The following DCDC1 variants were observed in gnomAD, a reference collection of about 807,000 sequenced individuals.
DCDC1 encodes doublecortin domain containing 1, also known as doublecortin domain-containing protein 1.
A neutral mutation model predicts 178.3 loss-of-function variants in DCDC1; 200 were observed. That is an observed-to-expected ratio of 1.12 (90% confidence interval 1.00 to 1.26). DCDC1 has a LOEUF of 1.26. Ranked by LOEUF, DCDC1 falls within the 50% of genes most tolerant of loss-of-function variation. The pLI, the probability that DCDC1 is intolerant of heterozygous loss-of-function variation, is 0.00. For missense variants in DCDC1, 1,983 were observed against 1,749.2 expected, an observed-to-expected ratio of 1.13 and a Z score of -2.38; for synonymous variants, 690 against 604.8, an observed-to-expected ratio of 1.14 and a Z score of -2.07.
At chr11:30,954,621 G>T (rs527844661) in intron 20 of DCDC1, among the ~76,000 whole-genome samples, 22 of 152,248 alleles carry the variant, frequency 1.4e-4, no homozygotes, top group Middle Eastern at 6.8e-3. Flanking sequence ...TAACATTGTG[G>T]CAAGAGCATA....
chr11:30,945,056 C>A (rs1323102473), intron 21 of DCDC1, among the ~76,000 whole-genome samples: 15 of 145,844 alleles, frequency 1.0e-4, no homozygotes, highest in Non-Finnish European at 2.1e-4. Flanking sequence ...GCAACCTCTG[C>A]CTCCTGGGTT....
intron 20 of DCDC1, among the ~76,000 whole-genome samples, chr11:31,039,312 G>T (rs1447838767): frequency 1.3e-5 from 2 of 152,026 alleles, no homozygotes; most frequent in East Asian, 1.9e-4. Flanking sequence ...CATATACAAA[G>T]AATTATTTAA....
At chr11:31,198,443 AC>A (rs1161087034) in intron 9 of DCDC1, among the ~76,000 whole-genome samples, 2 of 152,006 alleles carry the variant, frequency 1.3e-5, no homozygotes, top group Non-Finnish European at 2.9e-5. Context: ...TTCCAAAAGT[AC>A]CCCTTTGCAC....
chr11:31,180,507 G>T (rs1327870600), intron 9 of DCDC1, among the ~76,000 whole-genome samples: 2 of 152,096 alleles, frequency 1.3e-5, no homozygotes, highest in South Asian at 2.1e-4. Flanking sequence ...TACCCATCTC[G>T]TCTCATTGGG....
At chr11:30,942,187 A>C (rs907852407) in intron 21 of DCDC1, among the ~76,000 whole-genome samples, 1 of 152,316 alleles carries the variant, frequency 6.6e-6, no homozygotes, top group Non-Finnish European at 1.5e-5. Context: ...CTGAGAATAA[A>C]TTATCAAAGG....
At chr11:31,234,328 G>A (rs1379629755) in intron 9 of DCDC1, among the ~76,000 whole-genome samples, 2 of 152,090 alleles carry the variant, frequency 1.3e-5, no homozygotes, top group African/African-American at 4.8e-5. Context: ...TAAAATAAGA[G>A]CAAAGAATGA....
chr11:31,319,338 G>T (rs1949241805), intron 3 of DCDC1, among the ~76,000 whole-genome samples: 1 of 55,306 alleles, frequency 1.8e-5, no homozygotes, highest in Admixed American at 2.0e-4. Context: ...GAATCTGGGT[G>T]CTCCTGTATT....
intron 17 of DCDC1, among the ~76,000 whole-genome samples, chr11:31,083,388 TC>T (rs1042099219): frequency 6.6e-6 from 1 of 152,180 alleles, no homozygotes; most frequent in Non-Finnish European, 1.5e-5. Context: ...GGTCCATTAG[TC>T]CATTGATTTT....
Position 31,336,138 on chromosome 11 carries a change from G to T in DCDC1, c.-124-574C>A, listed in dbSNP as rs74502499. Among the ~76,000 whole-genome samples the T allele has an allele frequency of 8.0e-3, 1,225 of 152,326 alleles. 22 individuals are homozygous for T. The highest frequency in any genetic ancestry group is 0.028 in the African/African-American group (1,173 of 41,566). ...GTACAGATGTTAATAGGTAATAAAT[G>T]CTAAGGGGAAAACTGATGAGGAAAA... On this transcript the variant is annotated intron_variant, in intron 1 of 38. Transcript: ENST00000684477.
chr11:30,900,789 T>C (rs1412553954), intron 32 of DCDC1, among the ~76,000 whole-genome samples: 3 of 151,714 alleles, frequency 2.0e-5, no homozygotes, highest in East Asian at 3.9e-4. Flanking sequence ...ATGGAAAAAA[T>C]AGAGATAAAA....
intron 9 of DCDC1, among the ~76,000 whole-genome samples, chr11:31,238,761 C>T (rs774628670): frequency 1.3e-5 from 2 of 152,122 alleles, no homozygotes; most frequent in African/African-American, 4.8e-5. Flanking sequence ...TTCCAAGATG[C>T]TTCCACTTTT....
chr11:30,911,492 ACTGTGTTGCCT>A, intron 27 of DCDC1, 72 bp from the exon 28 acceptor site: 2 of 1,171,100 alleles, frequency 1.7e-6, no homozygotes, highest in Non-Finnish European at 2.5e-6. Context: ...GCCACTTAGC[ACTGTGTTGCCT>A]CTCAGCTCCA....
In DCDC1 at chr11:31,290,765, A is replaced by ACAGGC; in HGVS notation, c.837_841dup (p.Val281GlyfsTer8). ...AAGTTTCTTCATTCTAATAGAAAGAACAGGCTTGGTTTTCCGTCTTTTGAT... is the reference window on the plus strand; with the variant it reads ...AAGTTTCTTCATTCTAATAGAAAGAACAGGCCAGGCTTGGTTTTCCGTCTTTTGAT... On this transcript the variant is annotated frameshift_variant, in exon 7 of 39. Coordinates refer to ENST00000684477, the MANE Select transcript of DCDC1 (RefSeq NM_001387274.1). LOFTEE classifies it high-confidence loss of function. 6.2e-7 allele frequency: 1 copy of ACAGGC among 1,613,520 alleles called. No individual in the cohort carries two copies. Among genetic ancestry groups the ACAGGC allele is most frequent in the Non-Finnish European group, 8.5e-7 (1 of 1,179,588 alleles).
chr11:31,184,452 C>T (rs1428970455), intron 9 of DCDC1, among the ~76,000 whole-genome samples: 1 of 152,114 alleles, frequency 6.6e-6, no homozygotes, highest in Non-Finnish European at 1.5e-5. Flanking sequence ...TCTAATTAAA[C>T]TAAAGAGCTT....
chr11:31,307,036 A>G (rs1197032463), intron 4 of DCDC1, among the ~76,000 whole-genome samples: 2 of 152,176 alleles, frequency 1.3e-5, no homozygotes, highest in Non-Finnish European at 2.9e-5. Flanking sequence ...TTTTCTTCAT[A>G]ATTCTCTAAC....
chr11:31,273,173 AT>A (rs1443713281), intron 7 of DCDC1, among the ~76,000 whole-genome samples: 1 of 152,166 alleles, frequency 6.6e-6, no homozygotes, highest in Non-Finnish European at 1.5e-5. Flanking sequence ...TGTCTTGGGG[AT>A]TAACATTCAG....
intron 25 of DCDC1, among the ~76,000 whole-genome samples, chr11:30,918,395 T>C (rs1200075064): frequency 6.6e-6 from 1 of 152,196 alleles, no homozygotes; most frequent in Non-Finnish European, 1.5e-5. Context: ...ACAGGTAAGT[T>C]ATCAGTGCTC....
intron 9 of DCDC1, among the ~76,000 whole-genome samples, chr11:31,208,311 T>C (rs1469655185): frequency 6.6e-6 from 1 of 152,130 alleles, no homozygotes; most frequent in East Asian, 1.9e-4. Flanking sequence ...ACCCCAGAAG[T>C]AGGACACATC....
At chr11:30,938,805 T>C (rs1417176247) in intron 21 of DCDC1, among the ~76,000 whole-genome samples, 1 of 152,164 alleles carries the variant, frequency 6.6e-6, no homozygotes, top group African/African-American at 2.4e-5. Flanking sequence ...CCCAAGCCTG[T>C]AACATCCTTC....
Sources: allele counts gnomAD v4.1 joint callset (sites outside exome capture counted in the v4.1 genomes callset), GRCh38; gene constraint gnomAD v4.1.1; transcripts MANE v1.5; gene names NCBI Gene and HGNC (gene_info 2026-07-23, HGNC 2026-07-21).